PCDH15: variants seen among roughly 807,000 people sequenced by gnomAD.
PCDH15 encodes the protein protocadherin-15.
In PCDH15, 129 loss-of-function variants were observed where a neutral mutation model predicts 178.5. That is an observed-to-expected ratio of 0.72 (90% CI 0.63 to 0.84). The LOEUF is 0.84. Ranked by LOEUF, PCDH15 falls within the 40% of genes least tolerant of loss-of-function variation. The probability of loss-of-function intolerance (pLI) is 0.00; values close to 1 mark genes in which losing one functional copy is unlikely to be tolerated. For synonymous variants in PCDH15, 800 were observed against 732.0 expected (o/e 1.09, Z -1.50); for missense variants, 2,230 against 2,099.9 (o/e 1.06, Z -1.21).
At chr10:53,823,838 C>T in intron 32 of PCDH15, 1 of 455,776 alleles carries the variant, frequency 2.2e-6, no homozygotes, top group Non-Finnish European at 4.4e-6. Flanking sequence ...TCTGAGCCAT[C>T]ATGTGGAATA....
intron 2 of PCDH15, among the ~76,000 whole-genome samples, chr10:55,135,538 A>G (rs971806131): frequency 8.8e-5 from 13 of 148,274 alleles, no homozygotes; most frequent in African/African-American, 3.2e-4. Context: ...CCCCAGAAAC[A>G]TTATAAGGCA....
At chr10:54,775,662 C>G (rs1283494863) in intron 1 of PCDH15, among the ~76,000 whole-genome samples, 7 of 152,116 alleles carry the variant, frequency 4.6e-5, no homozygotes, top group Admixed American at 4.6e-4. Context: ...CTCTGGGAGG[C>G]CGAGGCGGGC....
At chr10:54,799,452 T>C (rs1713234268) in intron 1 of PCDH15, among the ~76,000 whole-genome samples, 1 of 152,158 alleles carries the variant, frequency 6.6e-6, no homozygotes, top group Non-Finnish European at 1.5e-5. Context: ...AAACATTTCC[T>C]AGAAAATGAA....
intron 2 of PCDH15, among the ~76,000 whole-genome samples, chr10:54,648,581 A>G (rs1027315065): frequency 6.6e-6 from 1 of 152,134 alleles, no homozygotes; most frequent in Non-Finnish European, 1.5e-5. Flanking sequence ...GTAATAATAC[A>G]TTATTAAGTG....
intron 2 of PCDH15, among the ~76,000 whole-genome samples, chr10:54,996,715 T>C (rs761941411): frequency 6.6e-6 from 1 of 152,170 alleles, no homozygotes; most frequent in Non-Finnish European, 1.5e-5. Context: ...GCTTTTATGC[T>C]GCTGTTCTAA....
At chr10:54,895,337 G>A (rs17511285) in intron 3 of PCDH15, among the ~76,000 whole-genome samples, 34,208 of 152,048 alleles carry the variant, frequency 0.22, 4,538 homozygotes, top group Non-Finnish European at 0.31. Context: ...CAGTAGGAAG[G>A]ATGATCTAAA....
intron 8 of PCDH15, among the ~76,000 whole-genome samples, chr10:54,285,960 A>T (rs2059001681): frequency 6.6e-6 from 1 of 152,210 alleles, no homozygotes; most frequent in East Asian, 1.9e-4. Flanking sequence ...AGAAAGACAA[A>T]TACCACTTGA....
chr10:55,507,780 G>A (rs1840793127), intron 2 of PCDH15, among the ~76,000 whole-genome samples: 1 of 151,638 alleles, frequency 6.6e-6, no homozygotes, highest in African/African-American at 2.4e-5. Context: ...CTTAGTCACA[G>A]AAAAGATAAT....
At chr10:54,095,239 T>C (rs1384368486) in intron 15 of PCDH15, among the ~76,000 whole-genome samples, 1 of 152,170 alleles carries the variant, frequency 6.6e-6, no homozygotes, top group Non-Finnish European at 1.5e-5. Flanking sequence ...AAAAAATGTA[T>C]ACATTCATTC....
At chr10:55,230,994 G>C (rs1387316180) in intron 1 of PCDH15, among the ~76,000 whole-genome samples, 1 of 151,814 alleles carries the variant, frequency 6.6e-6, no homozygotes. Flanking sequence ...ACCCCCAAAA[G>C]AAATATATGT....
chr10:55,569,125 T>C (rs1452255514), intron 2 of PCDH15, among the ~76,000 whole-genome samples: 1 of 152,078 alleles, frequency 6.6e-6, no homozygotes, highest in East Asian at 1.9e-4. Flanking sequence ...CCATGTAATA[T>C]GTTTAACTTG....
chr10:54,329,410 G>C (rs1350053232), intron 7 of PCDH15, among the ~76,000 whole-genome samples, 186 bp downstream of exon 7: 1 of 151,844 alleles, frequency 6.6e-6, no homozygotes, highest in East Asian at 1.9e-4. Context: ...AGAATACAGT[G>C]AATAAAAACA....
intron 2 of PCDH15, among the ~76,000 whole-genome samples, chr10:54,549,432 G>T (rs116732014): frequency 0.014 from 2,131 of 151,888 alleles, 43 homozygotes; most frequent in African/African-American, 0.049. Flanking sequence ...TTATTTAAAA[G>T]ATAGTTTTAA....
chr10:54,104,472 G>C (rs114073199), intron 15 of PCDH15, among the ~76,000 whole-genome samples: 1,532 of 152,290 alleles, frequency 0.01, 33 homozygotes, highest in African/African-American at 0.035. Context: ...CTCTACAGGA[G>C]CTAAGACTCT....
At chr10:54,438,683 T>C (rs2075599329) in intron 3 of PCDH15, among the ~76,000 whole-genome samples, 1 of 152,100 alleles carries the variant, frequency 6.6e-6, no homozygotes, top group Admixed American at 6.6e-5. Flanking sequence ...TTCCCAAAAC[T>C]GTCTCATCAT....
chr10:54,215,755 G>A (rs570160061), intron 9 of PCDH15, among the ~76,000 whole-genome samples: 8 of 152,126 alleles, frequency 5.3e-5, no homozygotes, highest in South Asian at 4.1e-4. Flanking sequence ...AATTTATGTC[G>A]AGACGGCCGG....
Position 55,548,216 on chromosome 10 carries a change from A to G in PCDH15, c.-156+79409T>C, listed in dbSNP as rs1485184973. On this transcript the variant is annotated intron_variant, in intron 2 of 5. Coordinates refer to the PCDH15 transcript ENST00000613346. ...CCCTCTCTAAATGCCTAATGCACAC[A>G]CACACACACACACACACACACACAC... Among the ~76,000 whole-genome samples the G allele has an allele frequency of 2.4e-3, 293 of 124,076 alleles. 2 individuals carry two copies. The highest frequency in any genetic ancestry group is 7.5e-3 in the African/African-American group (170 of 22,800). 81.4% of individuals were successfully genotyped at this position (124,076 alleles called of 152,430 possible). A position where few individuals can be genotyped will look rare whatever the true frequency, so the allele number is the denominator to read the frequency against.
chr10:54,052,216 C>T (rs1013925528), intron 18 of PCDH15, among the ~76,000 whole-genome samples: 1 of 152,186 alleles, frequency 6.6e-6, no homozygotes, highest in African/African-American at 2.4e-5. Context: ...AGAAGAGGGC[C>T]ACCATCCTCC....
At chr10:55,564,494 G>T (rs377605790) in intron 2 of PCDH15, among the ~76,000 whole-genome samples, 4 of 151,678 alleles carry the variant, frequency 2.6e-5, no homozygotes, top group South Asian at 4.1e-4. Context: ...CAAAATGACA[G>T]TTACAGTTAT....
Sources: gnomAD v4.1 joint callset for allele counts (sites outside exome capture counted in the v4.1 genomes callset) on GRCh38, gnomAD v4.1.1 for gene constraint, MANE v1.5 for transcripts, NCBI Gene and HGNC (gene_info 2026-07-23, HGNC 2026-07-21) for gene names.